CFAP43: variants seen among roughly 807,000 people sequenced by gnomAD.
The protein encoded by CFAP43 is cilia- and flagella-associated protein 43.
CFAP43 carries 155 observed loss-of-function variants against 218.9 expected under a neutral mutation model. That is an observed-to-expected ratio of 0.71 (90% CI 0.62 to 0.81). The LOEUF is 0.81. Among genes scored for constraint, CFAP43 ranks in the 30% least tolerant of loss-of-function variants. The pLI is 0.00. For missense variants in CFAP43, 1,778 were observed against 1,954.3 expected (o/e 0.91, Z 1.70); for synonymous variants, 645 against 681.3 (o/e 0.95, Z 0.83).
At chr10:104,143,730 A>C in intron 31 of CFAP43, 91 bp from the exon 32 acceptor site, 4 of 1,185,958 alleles carry the variant, frequency 3.4e-6, no homozygotes, top group Non-Finnish European at 4.8e-6. Context: ...GGCATAACAC[A>C]TTGTATGGCT....
chr10:104,169,507 T>C (rs1381134778), intron 20 of CFAP43, among the ~76,000 whole-genome samples: 3 of 152,172 alleles, frequency 2.0e-5, no homozygotes, highest in African/African-American at 7.2e-5. Flanking sequence ...TATTGCTTAT[T>C]ATTTAAATAA....
At chr10:104,163,430 G>C (rs2088981996) in intron 24 of CFAP43, among the ~76,000 whole-genome samples, 1 of 152,112 alleles carries the variant, frequency 6.6e-6, no homozygotes, top group Non-Finnish European at 1.5e-5. Flanking sequence ...TGTGAGAAAA[G>C]GTCTTTCTTT....
chr10:104,209,955 T>A (rs1589784906), intron 5 of CFAP43, among the ~76,000 whole-genome samples: 1 of 152,288 alleles, frequency 6.6e-6, no homozygotes, highest in African/African-American at 2.4e-5. Flanking sequence ...CCTACATACA[T>A]CCCCCTGTAA....
At chr10:104,180,647 A>G (rs2089802281) in intron 17 of CFAP43, among the ~76,000 whole-genome samples, 1 of 151,868 alleles carries the variant, frequency 6.6e-6, no homozygotes, top group Non-Finnish European at 1.5e-5. Flanking sequence ...GGGTTTCACC[A>G]TGTTAGCCAG....
chr10:104,227,774 G>A (rs913210944), intron 2 of CFAP43, among the ~76,000 whole-genome samples: 2 of 117,574 alleles, frequency 1.7e-5, no homozygotes, highest in Non-Finnish European at 3.6e-5. Flanking sequence ...CTAAGTTTTT[G>A]TTTTGTGTGA....
chr10:104,206,181 G>C, intron 6 of CFAP43, 151 bp from the exon 7 acceptor site: 1 of 628,540 alleles, frequency 1.6e-6, no homozygotes. Flanking sequence ...ATAGATGCTA[G>C]ATTAGAGAGA....
intron 3 of CFAP43, among the ~76,000 whole-genome samples, chr10:104,223,146 T>C (rs1385047589): frequency 6.6e-6 from 1 of 152,214 alleles, no homozygotes; most frequent in Non-Finnish European, 1.5e-5. Flanking sequence ...CTGCTCAAGG[T>C]GGTGGGCATG....
At chr10:104,150,305 C>A (rs952481333) in intron 28 of CFAP43, among the ~76,000 whole-genome samples, 5 of 152,164 alleles carry the variant, frequency 3.3e-5, no homozygotes, top group Admixed American at 6.5e-5. Flanking sequence ...CACTCCCTGC[C>A]AGGCCAGTGA....
chr10:104,189,574 C>G (rs1053199373), intron 12 of CFAP43, among the ~76,000 whole-genome samples: 4 of 152,140 alleles, frequency 2.6e-5, no homozygotes, highest in African/African-American at 9.7e-5. Context: ...GAATGACTCC[C>G]AGTTCTCTTA....
At chr10:104,191,338 A>G (rs537328644) in intron 12 of CFAP43, among the ~76,000 whole-genome samples, 1 of 151,940 alleles carries the variant, frequency 6.6e-6, no homozygotes, top group African/African-American at 2.4e-5. Context: ...CTGTTATACC[A>G]GACTTTTTTA....
intron 7 of CFAP43, 141 bp from the exon 8 acceptor site, chr10:104,203,944 C>T: frequency 4.5e-6 from 3 of 669,898 alleles, no homozygotes; most frequent in Non-Finnish European, 6.6e-6. Context: ...ATGCACTGTC[C>T]TCTCATCTTT....
chr10:104,177,402 G>T (rs985966658), intron 19 of CFAP43, among the ~76,000 whole-genome samples: 1 of 152,170 alleles, frequency 6.6e-6, no homozygotes, highest in Non-Finnish European at 1.5e-5. Context: ...AAGGATGGCG[G>T]TCATTGCCAA....
chr10:104,166,370 CCT>C, intron 23 of CFAP43, 116 bp downstream of exon 23: 1 of 751,698 alleles, frequency 1.3e-6, no homozygotes, highest in South Asian at 1.9e-5. Flanking sequence ...CTGTGCCCAG[CCT>C]CCTCTATGTA....
At position 104,132,093 on chromosome 10, in the gene CFAP43, TAACCAACGTCTTTGAG is replaced by T; in HGVS notation, c.4677+7_4677+22del. 1.9e-6 allele frequency: 3 copies of T among 1,545,960 alleles called. No individual in the cohort carries two copies. Among genetic ancestry groups the T allele is most frequent in the Non-Finnish European group, 2.6e-6 (3 of 1,135,928 alleles). On this transcript the variant is annotated splice_region_variant and intron_variant, in intron 36 of 37. Transcript: ENST00000357060. ...ATGATTTACAACTGTTAGGATATAA[TAACCAACGTCTTTGAG>T]ACTTACCTTATCTAAAACAGCAATG...
At chr10:104,177,037 A>T (rs2089655048) in intron 19 of CFAP43, among the ~76,000 whole-genome samples, 1 of 152,182 alleles carries the variant, frequency 6.6e-6, no homozygotes, top group Admixed American at 6.5e-5. Context: ...GAGTTATGAA[A>T]AGGTGCTCAG....
chr10:104,220,821 G>T (rs2091155498), intron 3 of CFAP43, among the ~76,000 whole-genome samples: 1 of 152,180 alleles, frequency 6.6e-6, no homozygotes, highest in South Asian at 2.1e-4. Flanking sequence ...TGCTATGATT[G>T]TATGCCCTGG....
chr10:104,197,357 C>A (rs2090409447), intron 9 of CFAP43, among the ~76,000 whole-genome samples: 1 of 152,186 alleles, frequency 6.6e-6, no homozygotes, highest in Non-Finnish European at 1.5e-5. Flanking sequence ...CCTTCACCTT[C>A]CCCTCCACAC....
At chr10:104,215,509 C>T (rs1000150956) in intron 3 of CFAP43, among the ~76,000 whole-genome samples, 6 of 152,088 alleles carry the variant, frequency 3.9e-5, no homozygotes, top group Non-Finnish European at 4.4e-5. Context: ...TGGCAAAGAC[C>T]GTCATCCCTG....
In CFAP43 at chr10:104,206,699, G is replaced by A. The variant is rs1158818895; in HGVS notation, c.896-669C>T. Among the ~76,000 whole-genome samples the A allele has an allele frequency of 2.6e-5, 4 of 152,310 alleles. No individual in the cohort carries two copies. In the East Asian group the frequency reaches 5.8e-4, roughly 22 times the overall value. ...AGTAAGAGCAATTGAAATAGAGAGT[G>A]CTTTGGACAGGTTTGAGGAGCTTGT... is the stretch of plus-strand genomic sequence containing the variant. On this transcript the variant is annotated intron_variant, in intron 6 of 37. Coordinates refer to ENST00000357060, the MANE Select transcript of CFAP43 (RefSeq NM_025145.7).
Sources: allele counts gnomAD v4.1 joint callset (sites outside exome capture counted in the v4.1 genomes callset), GRCh38; gene constraint gnomAD v4.1.1; transcripts MANE v1.5; gene names NCBI Gene and HGNC (gene_info 2026-07-23, HGNC 2026-07-21).